Variants in PXT1 observed in about 807,000 individuals in gnomAD.
PXT1 encodes peroxisomal testis enriched protein 1, also known as peroxisomal testis-specific protein 1.
PXT1 carries 11 observed loss-of-function variants against 11.0 expected under a neutral mutation model. That is an observed-to-expected ratio of 1.00 (90% CI 0.63 to 1.66). PXT1 has a LOEUF of 1.66. Among genes scored for constraint, PXT1 ranks in the 40% most tolerant of loss-of-function variants. The pLI is 0.00. For synonymous variants in PXT1, 43 were observed against 51.4 expected, an observed-to-expected ratio of 0.84 and a Z score of 0.70; for missense variants, 141 against 155.5, an observed-to-expected ratio of 0.91 and a Z score of 0.49.
chr6:36,437,748 C>A (rs1326405625), intron 2 of PXT1, among the ~76,000 whole-genome samples: 3 of 150,650 alleles, frequency 2.0e-5, no homozygotes, highest in African/African-American at 7.3e-5. Context: ...GATCTCCTGA[C>A]CTTGTGATCT....
At chr6:36,425,805 A>ATATAT in intron 3 of PXT1, 109 bp downstream of exon 3, 1 of 334,960 alleles carries the variant, frequency 3.0e-6, no homozygotes, top group South Asian at 6.7e-5. Context: ...AAAAACAAAA[A>ATATAT]ATATATATAT....
At chr6:36,415,393 G>A (rs973176229) in intron 3 of PXT1, among the ~76,000 whole-genome samples, 27 of 152,060 alleles carry the variant, frequency 1.8e-4, no homozygotes, top group African/African-American at 6.3e-4. Context: ...GCAGTGAGCC[G>A]AGATCGCACC....
At chr6:36,393,453 T>G (rs1774099030) in intron 4 of PXT1, 1 of 152,826 alleles carries the variant, frequency 6.5e-6, no homozygotes, top group Non-Finnish European at 1.5e-5. Context: ...TCCTCAGAAG[T>G]CACCTTCTTG....
chr6:36,424,162 A>T (rs1183703049), intron 3 of PXT1, among the ~76,000 whole-genome samples: 2 of 152,340 alleles, frequency 1.3e-5, no homozygotes, highest in African/African-American at 4.8e-5. Context: ...AAAATCTTAG[A>T]ATAGTGGCGA....
At chr6:36,420,043 A>G (rs1017601425) in intron 3 of PXT1, among the ~76,000 whole-genome samples, 4 of 152,144 alleles carry the variant, frequency 2.6e-5, no homozygotes, top group African/African-American at 7.2e-5. Context: ...ATTTTTCTAA[A>G]CAAGAAAATC....
At chr6:36,401,302 T>C (rs992701176) in intron 3 of PXT1, among the ~76,000 whole-genome samples, 2 of 152,158 alleles carry the variant, frequency 1.3e-5, no homozygotes, top group East Asian at 1.9e-4. Context: ...CTGGAAAACC[T>C]TGATCTATAC....
At chr6:36,440,594 A>G (rs1036690548) in intron 1 of PXT1, among the ~76,000 whole-genome samples, 2 of 151,948 alleles carry the variant, frequency 1.3e-5, no homozygotes, top group Admixed American at 6.6e-5. Context: ...AAAAAAGAAG[A>G]AGGTTTTGGT....
At chr6:36,418,186 A>T (rs1161967543) in intron 3 of PXT1, among the ~76,000 whole-genome samples, 1 of 150,784 alleles carries the variant, frequency 6.6e-6, no homozygotes, top group East Asian at 2.0e-4. Flanking sequence ...ACAGAGCGAG[A>T]CTCCGTCTCA....
At chr6:36,393,287 T>C (rs1247730110) in intron 4 of PXT1, among the ~76,000 whole-genome samples, 1 of 152,120 alleles carries the variant, frequency 6.6e-6, no homozygotes, top group East Asian at 1.9e-4. Context: ...TTTTATGACC[T>C]TCTCCCTCAC....
chr6:36,434,001 A>G (rs1306122048), intron 2 of PXT1, among the ~76,000 whole-genome samples: 1 of 152,038 alleles, frequency 6.6e-6, no homozygotes, highest in Non-Finnish European at 1.5e-5. Flanking sequence ...TATTATAAGT[A>G]GTGGATATAC....
intron 2 of PXT1, among the ~76,000 whole-genome samples, chr6:36,429,780 C>T (rs1774666037): frequency 6.6e-6 from 1 of 151,610 alleles, no homozygotes; most frequent in Admixed American, 6.6e-5. Context: ...GCTGGGATTA[C>T]AGGCGTGAGC....
rs367946853 is a variant in PXT1 at position 36,400,587 on chromosome 6, G to A, written c.170-3C>T. The stretch of plus-strand genomic sequence containing the variant: ...GGGCTGAGAAAGTAGATTATGATCT[G>A]CATTGAGAAAAAAGAGTTCAAAAGA... On this transcript the variant is annotated splice_polypyrimidine_tract_variant and splice_region_variant and intron_variant, in intron 3 of 4. Coordinates refer to ENST00000454782, the MANE Select transcript of PXT1 (RefSeq NM_152990.4). 2.9e-5 allele frequency: 47 copies of A among 1,610,296 alleles called. No homozygotes were observed. In the Middle Eastern group the frequency reaches 6.6e-4, roughly 23 times the overall value.
At chr6:36,410,972 C>G (rs1376762134) in intron 3 of PXT1, among the ~76,000 whole-genome samples, 1 of 152,200 alleles carries the variant, frequency 6.6e-6, no homozygotes, top group Non-Finnish European at 1.5e-5. Flanking sequence ...GCCTCAGCTT[C>G]TTCATTTGTA....
intron 2 of PXT1, 53 bp from the exon 3 acceptor site, chr6:36,426,144 G>T: frequency 9.1e-7 from 1 of 1,103,816 alleles, no homozygotes; most frequent in Non-Finnish European, 1.3e-6. Context: ...GTAAATATTT[G>T]GTATTTTAGA....
In PXT1 at chr6:36,401,894, G is replaced by GTA. The variant is rs139218058; in HGVS notation, c.170-1312_170-1311dup. ...TAACATATATATTATATATGTGTGT[G>GTA]TATATATATATAATGGAAAATCTAT... On this transcript the variant is annotated intron_variant, in intron 3 of 4. Transcript: ENST00000454782. Among the ~76,000 whole-genome samples the GTA allele has an allele frequency of 6.3e-4, 93 of 146,826 alleles. No individual in the cohort carries two copies. The East Asian group carries it at 0.014, about 21-fold the overall frequency.
chr6:36,402,102 C>G (rs938265405), intron 3 of PXT1, among the ~76,000 whole-genome samples: 3 of 151,974 alleles, frequency 2.0e-5, no homozygotes, highest in African/African-American at 7.2e-5. Context: ...TAGGAATGAG[C>G]CACTATGCCC....
At chr6:36,397,553 T>G (rs1774161102) in intron 4 of PXT1, among the ~76,000 whole-genome samples, 1 of 152,138 alleles carries the variant, frequency 6.6e-6, no homozygotes, top group Non-Finnish European at 1.5e-5. Context: ...CAATTAAAAC[T>G]AAAAAGCCTT....
chr6:36,433,430 G>A lies in PXT1; in HGVS notation c.-10+5337C>T, dbSNP rs866445541. On this transcript the variant is annotated intron_variant, in intron 2 of 4. Transcript: ENST00000454782. ...TGTTATAATTCAGGAAAAGTCATGA[G>A]AAGATTCTACAAGAAAACTGCTCTG... is the stretch of plus-strand genomic sequence containing the variant. Among the ~76,000 whole-genome samples the A allele has an allele frequency of 4.6e-4, 70 of 152,228 alleles. 2 individuals are homozygous for A. In the Middle Eastern group the frequency reaches 0.017, roughly 37 times the overall value.
At chr6:36,413,945 G>C (rs1416720394) in intron 3 of PXT1, among the ~76,000 whole-genome samples, 1 of 152,210 alleles carries the variant, frequency 6.6e-6, no homozygotes, top group Non-Finnish European at 1.5e-5. Context: ...GCTACAGTGA[G>C]CTAAGATTAC....
Sources: allele counts gnomAD v4.1 joint callset (sites outside exome capture counted in the v4.1 genomes callset), GRCh38; gene constraint gnomAD v4.1.1; transcripts MANE v1.5; gene names NCBI Gene and HGNC (gene_info 2026-07-23, HGNC 2026-07-21).